DOK6: variants seen among roughly 807,000 people sequenced by gnomAD.
The protein encoded by DOK6 is docking protein 6.
DOK6 carries 22 observed loss-of-function variants against 44.0 expected under a neutral mutation model. The ratio of observed to expected loss-of-function variants is 0.50; its 90% CI spans 0.36 to 0.71. DOK6 has a LOEUF of 0.71. Ranked by LOEUF, DOK6 falls within the 30% of genes least tolerant of loss-of-function variation. The pLI is 0.00. For missense variants in DOK6, 340 were observed against 416.4 expected (o/e 0.82, Z 1.60); for synonymous variants, 166 against 145.5 (o/e 1.14, Z -1.01).
At chr18:69,437,796 A>T (rs1027664393) in intron 1 of DOK6, among the ~76,000 whole-genome samples, 4 of 152,176 alleles carry the variant, frequency 2.6e-5, no homozygotes, top group Non-Finnish European at 5.9e-5. Flanking sequence ...GGCATATCTT[A>T]AAAATGTTAT....
At chr18:69,485,671 G>C (rs1414963451) in intron 1 of DOK6, among the ~76,000 whole-genome samples, 1 of 151,986 alleles carries the variant, frequency 6.6e-6, no homozygotes, top group African/African-American at 2.4e-5. Flanking sequence ...TATGTCTAAG[G>C]GATTCTAGAA....
intron 7 of DOK6, among the ~76,000 whole-genome samples, chr18:69,819,190 A>ACTCAATCTAATCCATATCAGTATCT (rs1981495178): frequency 1.3e-5 from 2 of 152,078 alleles, no homozygotes; most frequent in African/African-American, 4.8e-5. Flanking sequence ...AACCAGTATC[A>ACTCAATCTAATCCATATCAGTATCT]CTCAATCTAA....
chr18:69,563,163 G>T (rs1982880806), intron 1 of DOK6, among the ~76,000 whole-genome samples: 1 of 152,174 alleles, frequency 6.6e-6, no homozygotes, highest in South Asian at 2.1e-4. Flanking sequence ...AGGTGCTGGA[G>T]AGGATGTGGA....
At chr18:69,408,552 T>G (rs1978293435) in intron 1 of DOK6, among the ~76,000 whole-genome samples, 1 of 152,200 alleles carries the variant, frequency 6.6e-6, no homozygotes, top group Non-Finnish European at 1.5e-5. Context: ...CCTTTATTTA[T>G]GGAAGATGAT....
intron 1 of DOK6, among the ~76,000 whole-genome samples, chr18:69,436,170 G>T (rs1051052333): frequency 9.4e-6 from 1 of 106,282 alleles, no homozygotes; most frequent in Non-Finnish European, 1.8e-5. Context: ...GAATTATCTG[G>T]ATTTTTTTTT....
chr18:69,835,624 G>T (rs1025161289), intron 7 of DOK6, among the ~76,000 whole-genome samples: 6 of 152,100 alleles, frequency 3.9e-5, no homozygotes, highest in African/African-American at 1.2e-4. Context: ...CAGCCTGCCC[G>T]CTCCTTTTTT....
chr18:69,506,188 CTT>C (rs1306930874), intron 1 of DOK6, among the ~76,000 whole-genome samples: 1 of 151,968 alleles, frequency 6.6e-6, no homozygotes, highest in African/African-American at 2.4e-5. Context: ...TATAAAGACT[CTT>C]TTTTAAAAAA....
chr18:69,846,225 A>G lies in DOK6; in HGVS notation c.*4842A>G, dbSNP rs1420108268. 1 of 152,212 alleles carries G rather than the reference A, an allele frequency of 6.6e-6. No homozygotes were observed. Among genetic ancestry groups the G allele is most frequent in the African/African-American group, 2.4e-5 (1 of 41,450 alleles). The allele number at this position is 152,212 out of a possible 1,614,324, so 9.4% of individuals were successfully genotyped here. On this transcript the variant is annotated 3_prime_UTR_variant, in exon 8 of 8. Transcript: ENST00000382713. Reference sequence around the variant, plus strand: ...TAGCTAGATCTAGAAGCACCCTTAAAGGTCATGTAGAATCAAGGTCCCACT... The same window carrying G: ...TAGCTAGATCTAGAAGCACCCTTAAGGGTCATGTAGAATCAAGGTCCCACT...
At chr18:69,768,547 A>G (rs1979788513) in intron 7 of DOK6, among the ~76,000 whole-genome samples, 1 of 150,982 alleles carries the variant, frequency 6.6e-6, no homozygotes, top group Non-Finnish European at 1.5e-5. Context: ...CTTCAACTAA[A>G]TGTTCCCCAT....
intron 7 of DOK6, among the ~76,000 whole-genome samples, chr18:69,834,757 G>T (rs1455640520): frequency 1.3e-5 from 2 of 152,128 alleles, no homozygotes; most frequent in South Asian, 2.1e-4. Context: ...CTTACATCTG[G>T]TTTTCACATT....
chr18:69,644,230 CAT>C (rs768422691), intron 3 of DOK6, among the ~76,000 whole-genome samples: 1 of 152,224 alleles, frequency 6.6e-6, no homozygotes, highest in African/African-American at 2.4e-5. Flanking sequence ...ATCCTTTTCA[CAT>C]AGGTTTTTAC....
At chr18:69,708,842 G>A (rs1269032056) in intron 5 of DOK6, among the ~76,000 whole-genome samples, 1 of 150,464 alleles carries the variant, frequency 6.6e-6, no homozygotes, top group African/African-American at 2.4e-5. Flanking sequence ...CTGTAACACA[G>A]GTATAAGAGA....
At chr18:69,517,389 T>C (rs1981558560) in intron 1 of DOK6, among the ~76,000 whole-genome samples, 2 of 152,222 alleles carry the variant, frequency 1.3e-5, no homozygotes, top group Admixed American at 6.5e-5. Context: ...AGCTCTTCAA[T>C]TGGCAACTCT....
chr18:69,532,043 C>A (rs535045452), intron 1 of DOK6, among the ~76,000 whole-genome samples: 6 of 152,256 alleles, frequency 3.9e-5, no homozygotes, highest in Admixed American at 3.9e-4. Context: ...CACGTGAGGA[C>A]ACAGAGAGAA....
chr18:69,595,132 A>T (rs540465419), intron 2 of DOK6, among the ~76,000 whole-genome samples: 1 of 152,324 alleles, frequency 6.6e-6, no homozygotes, highest in South Asian at 2.1e-4. Context: ...ATGCCATGTT[A>T]ATGGACTGGA....
chr18:69,455,810 A>C (rs1308568242), intron 1 of DOK6, among the ~76,000 whole-genome samples: 1 of 152,188 alleles, frequency 6.6e-6, no homozygotes, highest in Non-Finnish European at 1.5e-5. Context: ...CTTGTCATTT[A>C]TATTCAAAAA....
At chr18:69,832,125 G>A (rs1432226375) in intron 7 of DOK6, among the ~76,000 whole-genome samples, 10 of 152,114 alleles carry the variant, frequency 6.6e-5, no homozygotes, top group African/African-American at 1.7e-4. Flanking sequence ...TAGTGGAAAG[G>A]CTTTCAATTT....
chr18:69,793,295 T>C (rs1171733637), intron 7 of DOK6, among the ~76,000 whole-genome samples: 1 of 152,158 alleles, frequency 6.6e-6, no homozygotes, highest in Non-Finnish European at 1.5e-5. Context: ...CCACAAATAG[T>C]TATCTACAAA....
At chr18:69,573,301 A>G (rs1983161936) in intron 2 of DOK6, among the ~76,000 whole-genome samples, 2 of 151,928 alleles carry the variant, frequency 1.3e-5, no homozygotes, top group Admixed American at 6.6e-5. Context: ...CCCAATGAGA[A>G]CAGGAACAGT....
Sources: allele counts gnomAD v4.1 joint callset (sites outside exome capture counted in the v4.1 genomes callset), GRCh38; gene constraint gnomAD v4.1.1; transcripts MANE v1.5; gene names NCBI Gene and HGNC (gene_info 2026-07-23, HGNC 2026-07-21).